The following CACNA2D3 variants were observed in gnomAD, a reference collection of about 807,000 sequenced individuals.
CACNA2D3 encodes calcium voltage-gated channel auxiliary subunit alpha2delta 3.
In CACNA2D3, 60 loss-of-function variants were observed where a neutral mutation model predicts 160.6. The ratio of observed to expected loss-of-function variants is 0.37; its 90% CI spans 0.30 to 0.46. The LOEUF (loss-of-function observed/expected upper bound fraction) is 0.46. CACNA2D3 is among the 20% of genes least tolerant of loss of function. The pLI, the probability that CACNA2D3 is intolerant of heterozygous loss-of-function variation, is 1.00. For missense variants in CACNA2D3, 1,205 were observed against 1,365.0 expected, an observed-to-expected ratio of 0.88 and a Z score of 1.85; for synonymous variants, 558 against 492.9, an observed-to-expected ratio of 1.13 and a Z score of -1.75.
chr3:54,657,510 A>G (rs1699895765), intron 11 of CACNA2D3, among the ~76,000 whole-genome samples: 1 of 152,176 alleles, frequency 6.6e-6, no homozygotes, highest in South Asian at 2.1e-4. Flanking sequence ...CTTTATACAC[A>G]TTCAACAACA....
At chr3:54,479,210 T>C (rs1383907945) in intron 4 of CACNA2D3, among the ~76,000 whole-genome samples, 1 of 152,088 alleles carries the variant, frequency 6.6e-6, no homozygotes, top group Non-Finnish European at 1.5e-5. Flanking sequence ...AAGAAGGACA[T>C]GTTTGCTTCC....
intron 24 of CACNA2D3, among the ~76,000 whole-genome samples, chr3:54,891,103 G>A (rs1193893687): frequency 6.6e-6 from 1 of 151,384 alleles, no homozygotes; most frequent in Non-Finnish European, 1.5e-5. Context: ...TGCTTTTGTT[G>A]GCAGGAAGTT....
chr3:54,586,897 AACAG>A (rs1191526434), intron 9 of CACNA2D3, among the ~76,000 whole-genome samples: 1 of 152,098 alleles, frequency 6.6e-6, no homozygotes, highest in African/African-American at 2.4e-5. Flanking sequence ...TTAGAAATTA[AACAG>A]TATACTATTA....
chr3:54,541,575 G>A (rs1335184908), intron 5 of CACNA2D3, among the ~76,000 whole-genome samples: 1 of 152,168 alleles, frequency 6.6e-6, no homozygotes, highest in Non-Finnish European at 1.5e-5. Context: ...GGTGGTGGTA[G>A]CTTTGTTATG....
intron 3 of CACNA2D3, among the ~76,000 whole-genome samples, chr3:54,339,599 G>A (rs1383925601): frequency 2.0e-5 from 3 of 152,190 alleles, no homozygotes; most frequent in African/African-American, 7.2e-5. Context: ...AGTGCCTCCT[G>A]TAGTGCAGAC....
intron 11 of CACNA2D3, among the ~76,000 whole-genome samples, chr3:54,748,411 C>A (rs929233522): frequency 3.3e-5 from 5 of 151,916 alleles, no homozygotes; most frequent in African/African-American, 9.7e-5. Flanking sequence ...TTGTTTGTTC[C>A]ATTGGGGAAG....
intron 24 of CACNA2D3, among the ~76,000 whole-genome samples, chr3:54,889,816 T>C (rs1168284516): frequency 6.6e-6 from 1 of 152,198 alleles, no homozygotes; most frequent in Non-Finnish European, 1.5e-5. Context: ...GGTTTCTTTC[T>C]CTAGTAAACC....
At position 54,802,819 on chromosome 3, in the gene CACNA2D3, C is replaced by G. The variant is rs1034715113; in HGVS notation, c.1381-14034C>G. Reference sequence around the variant, plus strand: ...CTGGGAGGCACCCCCCCAGTAGGGGCAGACTGACATCTCACACGGCCGGGT... The same window carrying G: ...CTGGGAGGCACCCCCCCAGTAGGGGGAGACTGACATCTCACACGGCCGGGT... On this transcript the variant is annotated intron_variant, in intron 13 of 37. Coordinates refer to ENST00000474759, the MANE Select transcript of CACNA2D3 (RefSeq NM_018398.3). Among the ~76,000 whole-genome samples, 28 of 152,278 alleles carry G rather than the reference C, an allele frequency of 1.8e-4. 1 individual carries two copies. Among genetic ancestry groups the G allele is most frequent in the African/African-American group, 6.7e-4 (28 of 41,560 alleles).
chr3:54,738,863 G>C (rs1701583352), intron 11 of CACNA2D3, among the ~76,000 whole-genome samples: 1 of 152,154 alleles, frequency 6.6e-6, no homozygotes, highest in Non-Finnish European at 1.5e-5. Flanking sequence ...TTACGTGTAA[G>C]ACTTGGGGCT....
intron 11 of CACNA2D3, among the ~76,000 whole-genome samples, chr3:54,748,866 C>G (rs1026794094): frequency 1.3e-5 from 2 of 152,124 alleles, no homozygotes; most frequent in African/African-American, 4.8e-5. Flanking sequence ...GAAATAAAAT[C>G]CATTAGGGTA....
At chr3:54,407,720 T>C (rs1318119918) in intron 4 of CACNA2D3, among the ~76,000 whole-genome samples, 2 of 152,204 alleles carry the variant, frequency 1.3e-5, no homozygotes. Flanking sequence ...GTTATGCTCA[T>C]GACCTTGACT....
At chr3:54,534,674 A>G (rs987522684) in intron 5 of CACNA2D3, among the ~76,000 whole-genome samples, 1 of 152,094 alleles carries the variant, frequency 6.6e-6, no homozygotes, top group Non-Finnish European at 1.5e-5. Context: ...TATAATCCCA[A>G]CACTTTGGGA....
intron 2 of CACNA2D3, among the ~76,000 whole-genome samples, chr3:54,174,027 G>A (rs1043692253): frequency 2.0e-5 from 3 of 152,064 alleles, no homozygotes; most frequent in African/African-American, 7.2e-5. Context: ...GTTAGGTATC[G>A]GTAAACATTT....
chr3:55,072,505 G>A (rs1424690805), intron 35 of CACNA2D3, among the ~76,000 whole-genome samples: 1 of 152,208 alleles, frequency 6.6e-6, no homozygotes, highest in Non-Finnish European at 1.5e-5. Flanking sequence ...TGCGAGAAAG[G>A]CAAATGAAGA....
chr3:54,377,215 G>A (rs4974366), intron 3 of CACNA2D3, among the ~76,000 whole-genome samples: 8,754 of 152,268 alleles, frequency 0.057, 313 homozygotes, highest in Middle Eastern at 0.095. Context: ...GCCTCATTCC[G>A]TTTTCAGCCT....
intron 27 of CACNA2D3, among the ~76,000 whole-genome samples, chr3:54,965,079 GT>G: frequency 6.6e-6 from 1 of 152,262 alleles, no homozygotes; most frequent in South Asian, 2.1e-4. Context: ...AGGACCAATA[GT>G]AAATAACTGA....
At chr3:54,822,777 T>C (rs1227586767) in intron 14 of CACNA2D3, among the ~76,000 whole-genome samples, 2 of 86,494 alleles carry the variant, frequency 2.3e-5, no homozygotes, top group African/African-American at 1.0e-4. Flanking sequence ...TTTCTTTCTT[T>C]CTTTCTTTCT....
chr3:54,583,078 G>A (rs1270833254), intron 9 of CACNA2D3, among the ~76,000 whole-genome samples: 4 of 152,110 alleles, frequency 2.6e-5, no homozygotes, highest in South Asian at 2.1e-4. Context: ...GTCTATAGCC[G>A]CATTTTTCTA....
At chr3:54,290,551 A>G (rs1024645793) in intron 2 of CACNA2D3, among the ~76,000 whole-genome samples, 11 of 151,260 alleles carry the variant, frequency 7.3e-5, no homozygotes, top group Non-Finnish European at 1.2e-4. Flanking sequence ...CAGCCATCCC[A>G]TTACTGGGTA....
Sources: allele counts gnomAD v4.1 joint callset (sites outside exome capture counted in the v4.1 genomes callset), GRCh38; gene constraint gnomAD v4.1.1; transcripts MANE v1.5; gene names NCBI Gene and HGNC (gene_info 2026-07-23, HGNC 2026-07-21).